The following IFT46 variants were observed in gnomAD, a reference collection of about 807,000 sequenced individuals.
IFT46 encodes intraflagellar transport 46, also known as intraflagellar transport protein 46 homolog.
IFT46 carries 19 observed loss-of-function variants against 39.6 expected under a neutral mutation model. The ratio of observed to expected loss-of-function variants is 0.48; its 90% confidence interval spans 0.33 to 0.70. The LOEUF (loss-of-function observed/expected upper bound fraction) is 0.70, where lower values mean the gene tolerates loss of function less well. Ranked by LOEUF, IFT46 falls within the 30% of genes least tolerant of loss-of-function variation. IFT46 has a pLI of 0.01. For synonymous variants in IFT46, 117 were observed against 134.8 expected (o/e 0.87, Z 0.91); for missense variants, 334 against 364.8 (o/e 0.92, Z 0.69).
intron 7 of IFT46, among the ~76,000 whole-genome samples, chr11:118,553,431 A>G (rs1555068864): frequency 6.6e-6 from 1 of 151,396 alleles, no homozygotes; most frequent in African/African-American, 2.4e-5. Context: ...ACAAGAGTAA[A>G]ACTGTCTCAA....
At chr11:118,562,226 G>A (rs1484623641) in intron 2 of IFT46, among the ~76,000 whole-genome samples, 4 of 151,804 alleles carry the variant, frequency 2.6e-5, no homozygotes, top group African/African-American at 7.3e-5. Flanking sequence ...GCAGTGGGCC[G>A]AGATCACGCC....
intron 2 of IFT46, chr11:118,560,629 C>A: frequency 2.1e-6 from 1 of 470,106 alleles, no homozygotes. Flanking sequence ...TTTTCACCCC[C>A]TAGCACTGCT....
Position 118,545,059 on chromosome 11 carries a change from T to G in IFT46, c.820-48A>C, listed in dbSNP as rs1951643122. 6.4e-6 allele frequency: 8 copies of G among 1,258,066 alleles called. No individual in the cohort carries two copies. The South Asian group carries it at 1.0e-4, about 16-fold the overall frequency. 77.9% of individuals were successfully genotyped at this position (1,258,066 alleles called of 1,614,324 possible). A position where few individuals can be genotyped will look rare whatever the true frequency, so the allele number is the denominator to read the frequency against. ...TATTGAGTATTAGGGATATGCTAATTGCTATATTTTAACAAGAATTAATTT... is the reference window on the plus strand; with the variant it reads ...TATTGAGTATTAGGGATATGCTAATGGCTATATTTTAACAAGAATTAATTT... On this transcript the variant is annotated intron_variant, in intron 11 of 11. Transcript: ENST00000264021.
intron 2 of IFT46, among the ~76,000 whole-genome samples, chr11:118,564,431 C>A (rs1458505817): frequency 6.6e-6 from 1 of 151,948 alleles, no homozygotes; most frequent in Admixed American, 6.6e-5. Context: ...TGCTTGTTGG[C>A]CAGACACGAT....
chr11:118,557,768 T>C lies in IFT46; in HGVS notation c.46-723A>G, dbSNP rs781916372. 2.6e-5 allele frequency: 42 copies of C among 1,614,038 alleles called. No homozygotes were observed. In the East Asian group the frequency reaches 9.4e-4, roughly 36 times the overall value. On this transcript the variant is annotated intron_variant, in intron 3 of 11. Coordinates refer to ENST00000264021, the MANE Select transcript of IFT46 (RefSeq NM_001168618.2). Reference sequence around the variant, plus strand: ...TGTGCTTCTGGCTCTCTCTGTACCATCCCACCCTCTCAAGTACATGAGAAG... The same window carrying C: ...TGTGCTTCTGGCTCTCTCTGTACCACCCCACCCTCTCAAGTACATGAGAAG...
At chr11:118,552,612 G>GT (rs1937682487) in intron 7 of IFT46, among the ~76,000 whole-genome samples, 1 of 152,048 alleles carries the variant, frequency 6.6e-6, no homozygotes, top group South Asian at 2.1e-4. Flanking sequence ...GGGCAACATA[G>GT]TGAGACCTTG....
At chr11:118,560,892 G>A (rs782362783) in intron 2 of IFT46, 209 of 810,620 alleles carry the variant, frequency 2.6e-4, no homozygotes, top group Non-Finnish European at 4.0e-4. Flanking sequence ...GCTTATGCCC[G>A]TATAGAGGGG....
chr11:118,559,788 G>T lies in IFT46; in HGVS notation c.42C>A (p.Asn14Lys). ...GAAGCTGTGAGTTTTACTGTACCTT[G>T]TTATTTTCCTCTTCACACTCATCAC... ...NSSDECEEEN[N>K]KEKKKTSQLT... Residue 14 changes from asparagine to lysine, a missense_variant, in exon 3 of 12, where the codon AAC becomes AAA. Coordinates refer to ENST00000264021, the MANE Select transcript of IFT46 (RefSeq NM_001168618.2). 1 of 1,612,408 alleles carries T rather than the reference G, an allele frequency of 6.2e-7. No individual in the cohort carries two copies. Among genetic ancestry groups the T allele is most frequent in the Non-Finnish European group, 8.5e-7 (1 of 1,178,550 alleles).
intron 7 of IFT46, among the ~76,000 whole-genome samples, chr11:118,553,551 C>G (rs1212313402): frequency 6.6e-6 from 1 of 151,996 alleles, no homozygotes; most frequent in Admixed American, 6.6e-5. Flanking sequence ...TCATTCATTG[C>G]TGGTGGGAAT....
chr11:118,566,679 C>G (rs1035758997), upstream of IFT46, among the ~76,000 whole-genome samples: 1 of 152,148 alleles, frequency 6.6e-6, no homozygotes, highest in Non-Finnish European at 1.5e-5. Flanking sequence ...GGCAACAAAG[C>G]GAGACTCCGT....
intron 3 of IFT46, among the ~76,000 whole-genome samples, chr11:118,558,347 A>G (rs1267989732): frequency 1.3e-5 from 2 of 152,240 alleles, no homozygotes; most frequent in East Asian, 3.8e-4. Context: ...CTGTAATCCC[A>G]GCACTTTGGG....
chr11:118,561,102 C>T (rs782782767), intron 2 of IFT46: 22 of 1,521,206 alleles, frequency 1.4e-5, no homozygotes, highest in Non-Finnish European at 2.0e-5. Context: ...GATGGTCAGC[C>T]AGGTGCCTTT....
At chr11:118,569,362 A>G (rs1938291948), upstream of IFT46, among the ~76,000 whole-genome samples, 1 of 151,406 alleles carries the variant, frequency 6.6e-6, no homozygotes, top group Non-Finnish European at 1.5e-5. Flanking sequence ...GGGGGACAAG[A>G]TGGGAGTACT....
In IFT46 at chr11:118,557,598, A is replaced by G. The variant is rs1937883573; in HGVS notation, c.46-553T>C. ...CAGTCCCAGGGACTATGGACTTTCC[A>G]TTTTTGTTCAGTGATATTTCTCTTC... On this transcript the variant is annotated intron_variant, in intron 3 of 11. Coordinates refer to ENST00000264021, the MANE Select transcript of IFT46 (RefSeq NM_001168618.2). The G allele has an allele frequency of 4.8e-6, 5 of 1,035,958 alleles. No homozygotes were observed. In the East Asian group the frequency reaches 1.2e-4, roughly 25 times the overall value. 64.2% of individuals were successfully genotyped at this position (1,035,958 alleles called of 1,614,324 possible). A position where few individuals can be genotyped will look rare whatever the true frequency, so the allele number is the denominator to read the frequency against.
chr11:118,561,743 G>T (rs1333897163), intron 2 of IFT46, among the ~76,000 whole-genome samples: 1 of 152,176 alleles, frequency 6.6e-6, no homozygotes, highest in Non-Finnish European at 1.5e-5. Context: ...AAAAATTTAT[G>T]TGCAAGGAAC....
intron 9 of IFT46, among the ~76,000 whole-genome samples, chr11:118,548,630 T>C (rs1951752656): frequency 6.6e-6 from 1 of 151,940 alleles, no homozygotes; most frequent in Non-Finnish European, 1.5e-5. Context: ...CCCAAAGTGC[T>C]GGGATTACAT....
intron 2 of IFT46, chr11:118,561,251 G>A (rs2135505944): frequency 7.4e-7 from 1 of 1,355,876 alleles, no homozygotes; most frequent in Non-Finnish European, 1.0e-6. Flanking sequence ...TGAAAGCAAG[G>A]AATTTAATGC....
upstream of IFT46, among the ~76,000 whole-genome samples, chr11:118,568,565 A>T (rs983381868): frequency 3.9e-5 from 6 of 152,092 alleles, no homozygotes; most frequent in South Asian, 6.2e-4. Flanking sequence ...AAATAAATAA[A>T]TAATAAATAA....
chr11:118,570,112 T>C (rs1455086055), upstream of IFT46, among the ~76,000 whole-genome samples: 2 of 147,260 alleles, frequency 1.4e-5, no homozygotes, highest in Non-Finnish European at 3.0e-5. Context: ...TGCAGTGGCA[T>C]GATCTCGGCT....
Sources: gnomAD v4.1 joint callset for allele counts (sites outside exome capture counted in the v4.1 genomes callset) on GRCh38, gnomAD v4.1.1 for gene constraint, MANE v1.5 for transcripts, NCBI Gene and HGNC (gene_info 2026-07-23, HGNC 2026-07-21) for gene names.